The following MECOM variants were observed in gnomAD, a reference collection of about 807,000 sequenced individuals.
The protein encoded by MECOM is MDS1 and EVI1 complex locus.
A neutral mutation model predicts 116.3 loss-of-function variants in MECOM; 13 were observed. That is an observed-to-expected ratio of 0.11 (90% CI 0.07 to 0.18). MECOM has a LOEUF of 0.18. Among genes scored for constraint, MECOM ranks in the 10% least tolerant of loss-of-function variants. MECOM has a pLI of 1.00. For missense variants in MECOM, 1,299 were observed against 1,509.0 expected (o/e 0.86, Z 2.31); for synonymous variants, 528 against 535.2 (o/e 0.99, Z 0.19).
chr3:169,628,878 A>C (rs767066122), intron 1 of MECOM, among the ~76,000 whole-genome samples: 1 of 152,158 alleles, frequency 6.6e-6, no homozygotes, highest in Non-Finnish European at 1.5e-5. Flanking sequence ...TTGGGCCCTG[A>C]GGAGCAGAAT....
At chr3:169,406,019 C>T (rs191407338) in intron 1 of MECOM, among the ~76,000 whole-genome samples, 11 of 152,298 alleles carry the variant, frequency 7.2e-5, no homozygotes, top group Non-Finnish European at 1.5e-5. Context: ...GGAAGACTTT[C>T]CTAGCCATGG....
At chr3:169,589,222 C>T (rs1262106983) in intron 1 of MECOM, among the ~76,000 whole-genome samples, 1 of 151,898 alleles carries the variant, frequency 6.6e-6, no homozygotes, top group Non-Finnish European at 1.5e-5. Context: ...TTCCCTATTA[C>T]TCAATATTAA....
chr3:169,184,659 C>T (rs777614443), intron 2 of MECOM, among the ~76,000 whole-genome samples: 16 of 152,138 alleles, frequency 1.1e-4, no homozygotes, highest in Non-Finnish European at 1.5e-4. Flanking sequence ...CTCTTTAAGG[C>T]GTCCCATGGG....
intron 12 of MECOM, 66 bp from the exon 13 acceptor site, chr3:169,095,311 C>A: frequency 7.2e-7 from 1 of 1,384,228 alleles, no homozygotes. Context: ...GACTAGTTAG[C>A]CAGCTATCAA....
chr3:169,268,848 C>T (rs1250746376), intron 2 of MECOM, among the ~76,000 whole-genome samples: 1 of 152,072 alleles, frequency 6.6e-6, no homozygotes, highest in Non-Finnish European at 1.5e-5. Context: ...TTAAAATGCA[C>T]CATTTGTCAC....
chr3:169,591,954 G>T (rs945795668), intron 1 of MECOM, among the ~76,000 whole-genome samples: 2 of 151,850 alleles, frequency 1.3e-5, no homozygotes, highest in Non-Finnish European at 2.9e-5. Flanking sequence ...GTTTTTTCTG[G>T]TCCCCACCCA....
intron 1 of MECOM, among the ~76,000 whole-genome samples, chr3:169,553,794 C>A (rs774160824): frequency 5.3e-5 from 8 of 152,174 alleles, no homozygotes; most frequent in Non-Finnish European, 1.0e-4. Context: ...GTACACACAT[C>A]TCTGGTGTCT....
At position 169,350,285 on chromosome 3, in the gene MECOM, C is replaced by A. The variant is rs1274177947; in HGVS notation, c.375+30902G>T. ...AGAGACTTGGAACCTGGTCTAAGCT[C>A]TACCCCCAAAGTAGTTGGGTGACCT... On this transcript the variant is annotated intron_variant, in intron 2 of 16. Coordinates refer to ENST00000651503, the MANE Select transcript of MECOM (RefSeq NM_004991.4). Among the ~76,000 whole-genome samples, 3 of 151,948 alleles carry A rather than the reference C, an allele frequency of 2.0e-5. No individual in the cohort carries two copies. The East Asian group carries it at 5.8e-4, about 29-fold the overall frequency.
At chr3:169,444,667 G>A (rs928232625) in intron 1 of MECOM, among the ~76,000 whole-genome samples, 1 of 152,150 alleles carries the variant, frequency 6.6e-6, no homozygotes, top group Non-Finnish European at 1.5e-5. Flanking sequence ...CCAGTAGAGT[G>A]GGGTGTTGCT....
At chr3:169,538,356 A>G (rs986387423) in intron 1 of MECOM, among the ~76,000 whole-genome samples, 7 of 152,132 alleles carry the variant, frequency 4.6e-5, no homozygotes, top group South Asian at 2.1e-4. Context: ...TCTCCACACT[A>G]TGACAACACT....
intron 2 of MECOM, among the ~76,000 whole-genome samples, chr3:169,326,900 G>A (rs1041460031): frequency 2.0e-5 from 3 of 152,068 alleles, no homozygotes. Flanking sequence ...GGACAATGTG[G>A]GTATATTTTA....
At chr3:169,610,498 CGTGTGTGTGTGT>C (rs3045470) in intron 1 of MECOM, among the ~76,000 whole-genome samples, 4 of 128,704 alleles carry the variant, frequency 3.1e-5, no homozygotes, top group Middle Eastern at 4.0e-3. Flanking sequence ...TGTAATGTTA[CGTGTGTGTGTGT>C]GTGTGTGTGT....
At chr3:169,412,191 C>T (rs995869148) in intron 1 of MECOM, among the ~76,000 whole-genome samples, 3 of 149,994 alleles carry the variant, frequency 2.0e-5, no homozygotes, top group Non-Finnish European at 3.0e-5. Context: ...GAGGCTGAGG[C>T]GGGAAAATCA....
chr3:169,636,474 A>C (rs1030505489), intron 1 of MECOM, among the ~76,000 whole-genome samples: 1 of 152,210 alleles, frequency 6.6e-6, no homozygotes, highest in Non-Finnish European at 1.5e-5. Context: ...TTCACAATTC[A>C]GTGACAAGAA....
chr3:169,232,644 A>AATAT (rs5854321), intron 2 of MECOM, among the ~76,000 whole-genome samples: 9 of 149,620 alleles, frequency 6.0e-5, no homozygotes, highest in South Asian at 2.1e-4. Flanking sequence ...CCATTTGTAA[A>AATAT]ATATATATAT....
At chr3:169,539,491 G>A (rs1759800588) in intron 1 of MECOM, among the ~76,000 whole-genome samples, 1 of 152,088 alleles carries the variant, frequency 6.6e-6, no homozygotes, top group South Asian at 2.1e-4. Flanking sequence ...TTCCTGCCAT[G>A]CTATCCTCTT....
intron 3 of MECOM, 120 bp from the exon 4 acceptor site, chr3:169,131,651 T>G (rs902763507): frequency 9.1e-6 from 7 of 772,346 alleles, no homozygotes; most frequent in Non-Finnish European, 1.4e-5. Context: ...TCTTTTTCTT[T>G]TTCTTTTTTA....
chr3:169,430,647 C>A (rs9637451), intron 1 of MECOM, among the ~76,000 whole-genome samples: 27,764 of 152,136 alleles, frequency 0.18, 3,090 homozygotes, highest in Non-Finnish European at 0.25. Flanking sequence ...ATTTTCCCTA[C>A]CTGCTATGTT....
chr3:169,459,820 T>A (rs368748815), intron 1 of MECOM, among the ~76,000 whole-genome samples: 5 of 152,284 alleles, frequency 3.3e-5, no homozygotes, highest in Admixed American at 6.5e-5. Context: ...ATTCTTATAG[T>A]TTCTGAATTA....
Sources: gnomAD v4.1 joint callset for allele counts (sites outside exome capture counted in the v4.1 genomes callset) on GRCh38, gnomAD v4.1.1 for gene constraint, MANE v1.5 for transcripts, NCBI Gene and HGNC (gene_info 2026-07-23, HGNC 2026-07-21) for gene names.